SEM1: variants seen among roughly 807,000 people sequenced by gnomAD.
SEM1 encodes the protein SEM1 26S proteasome subunit, also known as 26S proteasome complex subunit SEM1.
SEM1 carries 3 observed loss-of-function variants against 12.7 expected under a neutral mutation model. The ratio of observed to expected loss-of-function variants is 0.24; its 90% CI spans 0.11 to 0.61. The LOEUF is 0.61. Among genes scored for constraint, SEM1 ranks in the 20% least tolerant of loss-of-function variants. The pLI, the probability that SEM1 is intolerant of heterozygous loss-of-function variation, is 0.88. For synonymous variants in SEM1, 30 were observed against 27.8 expected, an observed-to-expected ratio of 1.08 and a Z score of -0.25; for missense variants, 59 against 81.3, an observed-to-expected ratio of 0.73 and a Z score of 1.06.
chr7:96,648,386 A>C (rs1364943744), intron 2 of SEM1, among the ~76,000 whole-genome samples: 1 of 152,214 alleles, frequency 6.6e-6, no homozygotes, highest in East Asian at 1.9e-4. Flanking sequence ...GCCACTAAAC[A>C]AAGCTGAAAA....
At chr7:96,484,421 C>T (rs1052414027) in intron 3 of SEM1, among the ~76,000 whole-genome samples, 1 of 152,186 alleles carries the variant, frequency 6.6e-6, no homozygotes, top group Admixed American at 6.5e-5. Context: ...AGAAGCTCTT[C>T]ATGTGAACCA....
downstream of SEM1, among the ~76,000 whole-genome samples, chr7:96,687,689 C>T (rs1431530652): frequency 4.0e-5 from 6 of 151,764 alleles, no homozygotes; most frequent in East Asian, 1.9e-4. Context: ...TGCTAAATGA[C>T]GAGTTAATGG....
rs143828920 is a variant in SEM1 at position 96,567,812 on chromosome 7, T to G, written c.171-61114A>C. On this transcript the variant is annotated intron_variant and NMD_transcript_variant, in intron 2 of 3. Coordinates refer to the SEM1 transcript ENST00000466986. The stretch of plus-strand genomic sequence containing the variant: ...TATATTAGTAATTTTTCTAATAATC[T>G]TAATTTTTTGTCTTGGTTATGATGT... Among the ~76,000 whole-genome samples, 306 of 151,726 alleles carry G rather than the reference T, an allele frequency of 2.0e-3. 1 individual carries two copies. Among genetic ancestry groups the G allele is most frequent in the African/African-American group, 7.3e-3 (302 of 41,504 alleles).
chr7:96,684,719 A>G (rs1372760721), downstream of SEM1, among the ~76,000 whole-genome samples: 1 of 152,120 alleles, frequency 6.6e-6, no homozygotes, highest in Non-Finnish European at 1.5e-5. Context: ...TTTGAGAAGG[A>G]TAATGAAGGG....
At chr7:96,571,348 A>T (rs978229063) in intron 2 of SEM1, among the ~76,000 whole-genome samples, 1 of 151,992 alleles carries the variant, frequency 6.6e-6, no homozygotes, top group Non-Finnish European at 1.5e-5. Context: ...TCATACATTT[A>T]AGTCTTTAAT....
At chr7:96,650,231 T>C (rs1171413679) in intron 2 of SEM1, 2 of 397,448 alleles carry the variant, frequency 5.0e-6, no homozygotes, top group Non-Finnish European at 8.9e-6. Context: ...CCTATGGGCA[T>C]CTTGAAAAAC....
At chr7:96,610,287 T>TG (rs1388497176) in intron 2 of SEM1, among the ~76,000 whole-genome samples, 1 of 152,046 alleles carries the variant, frequency 6.6e-6, no homozygotes, top group Non-Finnish European at 1.5e-5. Flanking sequence ...TTAGTAGAGA[T>TG]GGGGTTTCTC....
intron 2 of SEM1, among the ~76,000 whole-genome samples, chr7:96,520,329 T>A (rs1483148584): frequency 1.3e-5 from 2 of 152,198 alleles, no homozygotes; most frequent in Non-Finnish European, 2.9e-5. Flanking sequence ...TTTTCTCATC[T>A]GTAGAATTGG....
intron 2 of SEM1, among the ~76,000 whole-genome samples, chr7:96,638,699 C>T (rs1808503490): frequency 6.6e-6 from 1 of 151,824 alleles, no homozygotes; most frequent in African/African-American, 2.4e-5. Flanking sequence ...TTAAGAATAA[C>T]ATAACCTTCT....
chr7:96,601,160 C>G (rs1807186473), intron 2 of SEM1, among the ~76,000 whole-genome samples: 1 of 152,164 alleles, frequency 6.6e-6, no homozygotes. Flanking sequence ...TTTAAAAATC[C>G]ATTCAACAAT....
intron 2 of SEM1, among the ~76,000 whole-genome samples, chr7:96,536,948 T>C (rs920526547): frequency 6.6e-6 from 1 of 151,816 alleles, no homozygotes; most frequent in Non-Finnish European, 1.5e-5. Context: ...ATATCTACTA[T>C]ACTAGAGACT....
chr7:96,648,373 A>G (rs1563096961), intron 2 of SEM1, among the ~76,000 whole-genome samples: 1 of 152,326 alleles, frequency 6.6e-6, no homozygotes, highest in East Asian at 1.9e-4. Context: ...GGACACAGAA[A>G]GAGCCACTAA....
chr7:96,700,489 C>G (rs1202853997), intron 1 of SEM1, among the ~76,000 whole-genome samples: 1 of 152,182 alleles, frequency 6.6e-6, no homozygotes, highest in South Asian at 2.1e-4. Flanking sequence ...GCCCTCTCTA[C>G]AGGTGGGTTC....
chr7:96,634,854 T>C (rs1255144435), intron 2 of SEM1, among the ~76,000 whole-genome samples: 1 of 152,022 alleles, frequency 6.6e-6, no homozygotes, highest in Non-Finnish European at 1.5e-5. Context: ...TAGGACTTTG[T>C]ACCCAAGATA....
intron 2 of SEM1, chr7:96,506,747 T>C (rs1584720671): frequency 1.3e-5 from 2 of 152,234 alleles, no homozygotes; most frequent in East Asian, 3.9e-4. Context: ...CTTGCACATA[T>C]AATTGCAAGT....
chr7:96,655,623 C>G (rs1316669534), intron 2 of SEM1, among the ~76,000 whole-genome samples: 1 of 152,008 alleles, frequency 6.6e-6, no homozygotes, highest in East Asian at 1.9e-4. Flanking sequence ...AAAGTTTTGA[C>G]ATCTCTCCAC....
chr7:96,675,786 C>T (rs1467386193), intron 2 of SEM1, among the ~76,000 whole-genome samples: 1 of 152,166 alleles, frequency 6.6e-6, no homozygotes, highest in East Asian at 1.9e-4. Flanking sequence ...AGGAAGAGGA[C>T]ATGGACAGAT....
exon 1 of SEM1, chr7:96,496,325 CT>C (rs1803257403): frequency 2.7e-6 from 4 of 1,500,386 alleles, no homozygotes; most frequent in Admixed American, 2.0e-5. Flanking sequence ...ATAGCATCAT[CT>C]GATGTATTTG....
At chr7:96,627,711 T>C (rs772776756) in intron 2 of SEM1, among the ~76,000 whole-genome samples, 6 of 152,164 alleles carry the variant, frequency 3.9e-5, no homozygotes, top group Admixed American at 1.3e-4. Flanking sequence ...TTGAGAATGA[T>C]CCATGTGCTG....
Sources: allele counts gnomAD v4.1 joint callset (sites outside exome capture counted in the v4.1 genomes callset), GRCh38; gene constraint gnomAD v4.1.1; transcripts MANE v1.5; gene names NCBI Gene and HGNC (gene_info 2026-07-23, HGNC 2026-07-21).